The following ANKRD44 variants were observed in gnomAD, a reference collection of about 807,000 sequenced individuals.
The protein encoded by ANKRD44 is ankyrin repeat domain 44.
ANKRD44 carries 35 observed loss-of-function variants against 116.0 expected under a neutral mutation model. The ratio of observed to expected loss-of-function variants is 0.30; its 90% CI spans 0.23 to 0.40. The LOEUF is 0.40. Ranked by LOEUF, ANKRD44 falls within the 10% of genes least tolerant of loss-of-function variation. The probability of loss-of-function intolerance (pLI) is 1.00; values close to 1 mark genes in which losing one functional copy is unlikely to be tolerated. For synonymous variants in ANKRD44, 435 were observed against 461.8 expected (o/e 0.94, Z 0.74); for missense variants, 1,014 against 1,242.6 (o/e 0.82, Z 2.77).
At chr2:197,025,528 A>T in intron 16 of ANKRD44, among the ~76,000 whole-genome samples, 1 of 152,252 alleles carries the variant, frequency 6.6e-6, no homozygotes, top group East Asian at 1.9e-4. Flanking sequence ...AATAAGACCC[A>T]GTATTGATTC....
At chr2:197,263,802 TC>T (rs11285644) in intron 1 of ANKRD44, among the ~76,000 whole-genome samples, 125,672 of 152,136 alleles carry the variant, frequency 0.83, 52,035 homozygotes, top group South Asian at 0.9. Context: ...CCAGGATCCA[TC>T]TTCTCTCTCC....
chr2:197,235,171 T>C (rs1460125373), intron 1 of ANKRD44, among the ~76,000 whole-genome samples: 2 of 152,220 alleles, frequency 1.3e-5, no homozygotes, highest in African/African-American at 4.8e-5. Flanking sequence ...AGGAATCATC[T>C]ACACATTTAA....
chr2:196,988,805 G>A lies in ANKRD44; in HGVS notation c.*786C>T. On this transcript the variant is annotated 3_prime_UTR_variant, in exon 28 of 28. Coordinates refer to ENST00000282272, the MANE Select transcript of ANKRD44 (RefSeq NM_001195144.2). ...ATTTTTATTTCTCCTTTTGGCACAT[G>A]TGCCCACACACTGCCATCATTTCTC... 3.0e-6 allele frequency: 3 copies of A among 985,390 alleles called. No homozygotes were observed. The highest frequency in any genetic ancestry group is 3.6e-6 in the Non-Finnish European group (3 of 829,914). The allele number at this position is 985,390 out of a possible 1,614,324, so 61.0% of individuals were successfully genotyped here. A position where few individuals can be genotyped will look rare whatever the true frequency, so the allele number is the denominator to read the frequency against.
At chr2:197,019,643 G>A (rs745504708) in intron 17 of ANKRD44, among the ~76,000 whole-genome samples, 1 of 152,198 alleles carries the variant, frequency 6.6e-6, no homozygotes, top group South Asian at 2.1e-4. Context: ...TGGAAAGGGC[G>A]CAACATGACC....
At chr2:197,270,112 C>T (rs2082855488) in intron 1 of ANKRD44, among the ~76,000 whole-genome samples, 1 of 152,094 alleles carries the variant, frequency 6.6e-6, no homozygotes, top group Admixed American at 6.5e-5. Context: ...TTCCAAATGT[C>T]CTCAAGGATG....
intron 1 of ANKRD44, among the ~76,000 whole-genome samples, chr2:197,307,590 T>C (rs1257568938): frequency 2.7e-5 from 4 of 150,666 alleles, no homozygotes; most frequent in Non-Finnish European, 5.9e-5. Context: ...CACTGGTCTC[T>C]CCCTTTTTCT....
At chr2:197,168,479 A>C (rs2080151694) in intron 2 of ANKRD44, among the ~76,000 whole-genome samples, 2 of 152,170 alleles carry the variant, frequency 1.3e-5, no homozygotes, top group South Asian at 4.1e-4. Context: ...AAGATTTATT[A>C]AACCCCATCA....
At chr2:197,054,249 G>A (rs2077163399) in intron 16 of ANKRD44, among the ~76,000 whole-genome samples, 1 of 152,154 alleles carries the variant, frequency 6.6e-6, no homozygotes, top group Non-Finnish European at 1.5e-5. Flanking sequence ...TCTATAGTAT[G>A]TGAAATAACA....
intron 4 of ANKRD44, among the ~76,000 whole-genome samples, chr2:197,126,351 A>C (rs1351292328): frequency 6.6e-6 from 1 of 152,238 alleles, no homozygotes; most frequent in Non-Finnish European, 1.5e-5. Flanking sequence ...CCCATGTGCA[A>C]GTGTGCATAC....
At chr2:197,243,969 A>C (rs1387785289) in intron 1 of ANKRD44, among the ~76,000 whole-genome samples, 1 of 152,260 alleles carries the variant, frequency 6.6e-6, no homozygotes, top group Non-Finnish European at 1.5e-5. Flanking sequence ...GAAATCGTAT[A>C]GTATTATGAA....
chr2:197,157,219 A>C (rs1460797353), intron 2 of ANKRD44, among the ~76,000 whole-genome samples: 1 of 152,226 alleles, frequency 6.6e-6, no homozygotes, highest in African/African-American at 2.4e-5. Flanking sequence ...CTAAGCAACA[A>C]AATTTATTCA....
intron 20 of ANKRD44, among the ~76,000 whole-genome samples, chr2:197,007,265 A>G (rs944846821): frequency 6.6e-6 from 1 of 152,224 alleles, no homozygotes; most frequent in African/African-American, 2.4e-5. Context: ...GGCATTAAAA[A>G]TCATGATGCA....
intron 3 of ANKRD44, among the ~76,000 whole-genome samples, chr2:197,141,902 A>T (rs2079376914): frequency 6.6e-6 from 1 of 152,212 alleles, no homozygotes; most frequent in Admixed American, 6.5e-5. Flanking sequence ...TTGGCTATGA[A>T]TTGAATATTT....
In ANKRD44 at chr2:197,125,482, A is replaced by G. The variant is rs1200028618; in HGVS notation, c.463-14T>C. 1.2e-6 allele frequency: 2 copies of G among 1,610,052 alleles called. No homozygotes were observed. The highest frequency in any genetic ancestry group is 1.7e-6 in the Non-Finnish European group (2 of 1,176,856). On this transcript the variant is annotated splice_polypyrimidine_tract_variant and intron_variant, in intron 5 of 27. Coordinates refer to ENST00000282272, the MANE Select transcript of ANKRD44 (RefSeq NM_001195144.2). The stretch of plus-strand genomic sequence containing the variant: ...TAAATTGACCATCTGAAAGATAACC[A>G]ACAATGAAATCAAGCATACATTCTG...
At chr2:197,180,666 A>C (rs1265106045) in intron 2 of ANKRD44, among the ~76,000 whole-genome samples, 2 of 152,218 alleles carry the variant, frequency 1.3e-5, no homozygotes, top group African/African-American at 4.8e-5. Context: ...AAAATCTAGA[A>C]GTTTAAAAAG....
intron 1 of ANKRD44, among the ~76,000 whole-genome samples, chr2:197,268,292 G>T (rs535883963): frequency 6.6e-6 from 1 of 152,282 alleles, no homozygotes; most frequent in East Asian, 1.9e-4. Context: ...GATAAATCTG[G>T]AGAAAGAAGC....
intron 1 of ANKRD44, among the ~76,000 whole-genome samples, chr2:197,204,638 G>T (rs543444039): frequency 1.6e-4 from 25 of 152,310 alleles, no homozygotes; most frequent in Admixed American, 1.6e-3. Context: ...ACGTTTCAGT[G>T]AAATGCCCTG....
rs140088712 is a variant in ANKRD44 at position 197,154,623 on chromosome 2, T to C, written c.112-7518A>G. ...TTCCTTGTGTGTGGAGTTTTTTATA[T>C]TGTTTAATTCAACTTTCAATGAAAA... On this transcript the variant is annotated intron_variant, in intron 2 of 27. Transcript: ENST00000282272. 7.9e-5 allele frequency among the ~76,000 whole-genome samples: 12 copies of C among 152,358 alleles called. No individual in the cohort carries two copies. In the East Asian group the frequency reaches 2.1e-3, roughly 27 times the overall value.
intron 1 of ANKRD44, among the ~76,000 whole-genome samples, chr2:197,190,903 A>AC (rs2125618712): frequency 6.6e-6 from 1 of 152,322 alleles, no homozygotes; most frequent in East Asian, 1.9e-4. Context: ...ACATTTTAGC[A>AC]CTAGCATATA....
Sources: allele counts gnomAD v4.1 joint callset (sites outside exome capture counted in the v4.1 genomes callset), GRCh38; gene constraint gnomAD v4.1.1; transcripts MANE v1.5; gene names NCBI Gene and HGNC (gene_info 2026-07-23, HGNC 2026-07-21).